VPS33A: variants seen among roughly 807,000 people sequenced by gnomAD.
The protein encoded by VPS33A is VPS33A core subunit of CORVET and HOPS complexes.
VPS33A carries 32 observed loss-of-function variants against 71.8 expected under a neutral mutation model. The ratio of observed to expected loss-of-function variants is 0.45; its 90% CI spans 0.34 to 0.60. VPS33A has a LOEUF of 0.60. Among genes scored for constraint, VPS33A ranks in the 20% least tolerant of loss-of-function variants. VPS33A has a pLI of 0.02. For synonymous variants in VPS33A, 311 were observed against 292.7 expected (o/e 1.06, Z -0.64); for missense variants, 625 against 748.5 (o/e 0.84, Z 1.92).
chr12:122,235,835 G>A lies in VPS33A; in HGVS notation c.1391C>T (p.Pro464Leu), dbSNP rs1954622674. 4 of 1,613,724 alleles carry A rather than the reference G, an allele frequency of 2.5e-6. No homozygotes were observed. The highest frequency in any genetic ancestry group is 2.2e-5 in the South Asian group (2 of 91,032). The change falls in exon 11 of 13, where the codon CCA becomes CTA. Residue 464 changes from proline to leucine, a missense_variant. Transcript: ENST00000267199. ...KPQTGGRNNY[P>L]TIRKTLRLWM... ...GAGGCGTAATGTTTTCCGTATAGTT[G>A]GGTAATTGTTTCTGCCCCCCGTCTG...
At chr12:122,259,229 G>GTATGT (rs1954960729) in intron 4 of VPS33A, among the ~76,000 whole-genome samples, 1 of 147,826 alleles carries the variant, frequency 6.8e-6, no homozygotes, top group Non-Finnish European at 1.5e-5. Context: ...ATGTATGTAT[G>GTATGT]TATTTTTGAG....
intron 4 of VPS33A, among the ~76,000 whole-genome samples, chr12:122,256,531 G>A (rs959812483): frequency 1.3e-5 from 2 of 151,868 alleles, no homozygotes; most frequent in African/African-American, 2.4e-5. Context: ...ACGAGATTGT[G>A]CCACTGCATC....
At chr12:122,232,451 T>G (rs757598198) in intron 12 of VPS33A, 24 bp from the exon 13 acceptor site, 2 of 1,594,686 alleles carry the variant, frequency 1.3e-6, no homozygotes, top group Admixed American at 3.5e-5. Flanking sequence ...ATTTCAGAAT[T>G]AAAAACTATT....
At chr12:122,254,749 T>C (rs1453017986) in intron 4 of VPS33A, among the ~76,000 whole-genome samples, 1 of 152,012 alleles carries the variant, frequency 6.6e-6, no homozygotes, top group African/African-American at 2.4e-5. Context: ...AGGCTTGAAA[T>C]TGTCAGTAGA....
At chr12:122,261,220 G>C in intron 4 of VPS33A, 41 bp downstream of exon 4, 1 of 1,576,578 alleles carries the variant, frequency 6.3e-7, no homozygotes, top group Non-Finnish European at 8.6e-7. Context: ...CATAAACTGG[G>C]CAAAAATTAA....
In VPS33A at chr12:122,238,737, T is replaced by C. The variant is rs372096839; in HGVS notation, c.1165-13A>G. Reference sequence around the variant, plus strand: ...TGTAATTGTTGACCTGGAAATAAAGTAGCATACATATACATATACATTTAC... The same window carrying C: ...TGTAATTGTTGACCTGGAAATAAAGCAGCATACATATACATATACATTTAC... On this transcript the variant is annotated splice_polypyrimidine_tract_variant and intron_variant, in intron 9 of 12. Coordinates refer to ENST00000267199, the MANE Select transcript of VPS33A (RefSeq NM_022916.6). 1.2e-6 allele frequency: 2 copies of C among 1,606,316 alleles called. No individual in the cohort carries two copies. Among genetic ancestry groups the C allele is most frequent in the Admixed American group, 1.7e-5 (1 of 58,906 alleles).
intron 4 of VPS33A, 78 bp from the exon 5 acceptor site, chr12:122,251,177 C>A: frequency 1.1e-6 from 1 of 892,092 alleles, no homozygotes; most frequent in Non-Finnish European, 1.8e-6. Flanking sequence ...GGCTGGGGTG[C>A]AGCGACAGAC....
chr12:122,250,867 C>A, intron 5 of VPS33A, 116 bp downstream of exon 5: 1 of 758,318 alleles, frequency 1.3e-6, no homozygotes. Flanking sequence ...TTCATGAGTA[C>A]AGTATTCATA....
intron 11 of VPS33A, among the ~76,000 whole-genome samples, chr12:122,234,283 TC>T (rs1248677410): frequency 2.0e-5 from 3 of 152,140 alleles, no homozygotes; most frequent in African/African-American, 7.2e-5. Context: ...TTTCCCTTTT[TC>T]TTTTTCTTTT....
intron 10 of VPS33A, 26 bp from the exon 11 acceptor site, chr12:122,235,949 A>G: frequency 6.3e-7 from 1 of 1,576,460 alleles, no homozygotes; most frequent in East Asian, 2.3e-5. Flanking sequence ...TTTGGCCTTG[A>G]TGTCAGATCA....
At chr12:122,255,293 T>C (rs1194659805) in intron 4 of VPS33A, among the ~76,000 whole-genome samples, 1 of 152,208 alleles carries the variant, frequency 6.6e-6, no homozygotes, top group Non-Finnish European at 1.5e-5. Context: ...TAGACAGGTG[T>C]TCACTGTACA....
chr12:122,261,538 G>A, intron 3 of VPS33A, 91 bp from the exon 4 acceptor site: 1 of 1,197,548 alleles, frequency 8.4e-7, no homozygotes. Flanking sequence ...GCACATAGCA[G>A]GCACTAAATA....
At chr12:122,232,729 A>G (rs946827587) in intron 12 of VPS33A, 71 bp downstream of exon 12, 2 of 1,520,408 alleles carry the variant, frequency 1.3e-6, no homozygotes, top group African/African-American at 2.8e-5. Context: ...TATTTTACAA[A>G]GCAACTGTAC....
chr12:122,236,244 TAA>T (rs538104345), intron 10 of VPS33A, among the ~76,000 whole-genome samples: 180 of 152,158 alleles, frequency 1.2e-3, no homozygotes, highest in African/African-American at 4.1e-3. Flanking sequence ...TAATTAGCTC[TAA>T]AAAAGAGTAA....
chr12:122,250,061 T>A lies in VPS33A; in HGVS notation c.601-16A>T, dbSNP rs370930753. The A allele has an allele frequency of 1.6e-5, 25 of 1,592,880 alleles. No homozygotes were observed. The African/African-American group carries it at 3.2e-4, about 21-fold the overall frequency. On this transcript the variant is annotated splice_polypyrimidine_tract_variant and intron_variant, in intron 5 of 12. Coordinates refer to ENST00000267199, the MANE Select transcript of VPS33A (RefSeq NM_022916.6). ...TGGCCACTTGCTGGAAACAAAACAT[T>A]GGATGAGGTGGGGCCCCCCTGGGAA...
chr12:122,246,331 GCT>G (rs796408272), intron 6 of VPS33A, among the ~76,000 whole-genome samples: 64 of 147,776 alleles, frequency 4.3e-4, no homozygotes, highest in African/African-American at 1.5e-3. Flanking sequence ...AGGGAGTCTC[GCT>G]CTCTCGCCCA....
At chr12:122,239,485 C>T (rs1373409489) in intron 9 of VPS33A, among the ~76,000 whole-genome samples, 1 of 152,058 alleles carries the variant, frequency 6.6e-6, no homozygotes, top group Non-Finnish European at 1.5e-5. Context: ...CCTGTAATCC[C>T]AACAGTTTGG....
chr12:122,262,603 CTTTT>C (rs5801474), intron 3 of VPS33A, among the ~76,000 whole-genome samples: 7 of 138,512 alleles, frequency 5.1e-5, no homozygotes, highest in African/African-American at 1.6e-4. Context: ...ATTTAATCAG[CTTTT>C]TTTTTTTTTT....
chr12:122,249,706 G>A, intron 6 of VPS33A, 165 bp downstream of exon 6: 1 of 575,820 alleles, frequency 1.7e-6, no homozygotes. Context: ...TTTATGTGTT[G>A]CTAAATTGCT....
Sources: gnomAD v4.1 joint callset for allele counts (sites outside exome capture counted in the v4.1 genomes callset) on GRCh38, gnomAD v4.1.1 for gene constraint, MANE v1.5 for transcripts, NCBI Gene and HGNC (gene_info 2026-07-23, HGNC 2026-07-21) for gene names.